EPN2: variants seen among roughly 807,000 people sequenced by gnomAD.
The protein encoded by EPN2 is epsin 2, also known as epsin-2.
EPN2 carries 34 observed loss-of-function variants against 61.7 expected under a neutral mutation model. The ratio of observed to expected loss-of-function variants is 0.55; its 90% CI spans 0.42 to 0.73. The LOEUF (loss-of-function observed/expected upper bound fraction) is 0.73. EPN2 is among the 30% of genes least tolerant of loss of function. The pLI is 0.00. For synonymous variants in EPN2, 349 were observed against 353.6 expected (o/e 0.99, Z 0.15); for missense variants, 714 against 839.2 (o/e 0.85, Z 1.84).
chr17:19,325,456 A>G (rs1906823215), intron 7 of EPN2, among the ~76,000 whole-genome samples: 3 of 152,226 alleles, frequency 2.0e-5, no homozygotes, highest in Admixed American at 6.5e-5. Flanking sequence ...CAAATGTACC[A>G]TATTAACAGA....
intron 4 of EPN2, among the ~76,000 whole-genome samples, chr17:19,295,376 G>GCA (rs1567858319): frequency 2.0e-5 from 3 of 151,350 alleles, no homozygotes; most frequent in African/African-American, 7.3e-5. Flanking sequence ...ACGCGCGTGC[G>GCA]CGCAAAATAG....
chr17:19,253,512 T>G (rs2045038734), intron 1 of EPN2, among the ~76,000 whole-genome samples: 1 of 149,804 alleles, frequency 6.7e-6, no homozygotes, highest in Non-Finnish European at 1.5e-5. Context: ...CTTCCTGGGC[T>G]CAAGGGATCT....
In EPN2 at chr17:19,295,343, C is replaced by T. The variant is rs2045504890; in HGVS notation, c.766+9553C>T. On this transcript the variant is annotated intron_variant, in intron 4 of 10. Coordinates refer to ENST00000314728, the MANE Select transcript of EPN2 (RefSeq NM_014964.5). ...TGAAACCCCATCTCTATTAAAAATA[C>T]ACACACACACACACACACACACACG... 7.9e-5 allele frequency among the ~76,000 whole-genome samples: 5 copies of T among 63,136 alleles called. No individual in the cohort carries two copies. In the South Asian group the frequency reaches 1.6e-3, roughly 21 times the overall value. The allele number at this position is 63,136 out of a possible 152,430, so 41.4% of individuals were successfully genotyped here.
intron 1 of EPN2, among the ~76,000 whole-genome samples, chr17:19,271,286 G>A (rs769933777): frequency 4.6e-5 from 7 of 152,188 alleles, no homozygotes; most frequent in Non-Finnish European, 1.0e-4. Flanking sequence ...TTCTGAGGAG[G>A]CCATGCGATC....
At chr17:19,238,066 T>G (rs891044342) in intron 1 of EPN2, among the ~76,000 whole-genome samples, 10 of 152,024 alleles carry the variant, frequency 6.6e-5, no homozygotes, top group Non-Finnish European at 1.5e-4. Context: ...TCACCTTTCC[T>G]GGGGGCTGTA....
chr17:19,257,818 C>T (rs549230127), intron 1 of EPN2: 1 of 152,122 alleles, frequency 6.6e-6, no homozygotes, highest in Non-Finnish European at 1.5e-5. Context: ...ACACCCAGCC[C>T]GGTTTATTTT....
Position 19,332,058 on chromosome 17 carries a change from C to G in EPN2, c.1617C>G (p.Phe539Leu), listed in dbSNP as rs765549519. 1 of 1,608,918 alleles carries G rather than the reference C, an allele frequency of 6.2e-7. No individual in the cohort carries two copies. The highest frequency in any genetic ancestry group is 8.5e-7 in the Non-Finnish European group (1 of 1,179,122). The change falls in exon 10 of 11, where the codon TTC becomes TTG. Residue 539 changes from phenylalanine (F) to leucine (L), a missense_variant. Physicochemically the swap from Phe to Leu is conservative, Grantham distance 22. Coordinates refer to ENST00000314728, the MANE Select transcript of EPN2 (RefSeq NM_014964.5). ...CACCAGCCCAGTCCCTCAACCCTTT[C>G]CTGGCACCAGGTAGGCTCTCATCCC... ...PAPPAQSLNP[F>L]LAPGAPATSA...
At chr17:19,326,649 T>C (rs997113949) in intron 7 of EPN2, among the ~76,000 whole-genome samples, 3 of 129,620 alleles carry the variant, frequency 2.3e-5, no homozygotes, top group African/African-American at 9.2e-5. Context: ...ATTGCGCCAC[T>C]GCACTCCAGC....
chr17:19,324,275 C>G (rs929785282), intron 7 of EPN2, among the ~76,000 whole-genome samples: 30 of 152,170 alleles, frequency 2.0e-4, no homozygotes, highest in African/African-American at 7.0e-4. Context: ...ATTTTAAGAA[C>G]ACTTCTAAAT....
chr17:19,275,063 A>G (rs553310588), intron 1 of EPN2, among the ~76,000 whole-genome samples: 2 of 152,142 alleles, frequency 1.3e-5, no homozygotes, highest in South Asian at 4.2e-4. Context: ...ATGATCCCAG[A>G]CTTTGGTTGG....
intron 7 of EPN2, chr17:19,313,871 CT>C (rs1906261940): frequency 6.6e-6 from 1 of 152,328 alleles, no homozygotes; most frequent in African/African-American, 2.4e-5. Context: ...GGGTGATGAT[CT>C]TGGGCCCACG....
rs369490057 is a variant in EPN2 at position 19,331,880 on chromosome 17, A to C, written c.1439A>C (p.Gln480Pro). The C allele has an allele frequency of 3.7e-6, 6 of 1,613,986 alleles. No individual in the cohort carries two copies. The African/African-American group carries it at 8.0e-5, about 22-fold the overall frequency. ...TAESVTSLPSQNNGTTSPDPF... is the reference protein window; with the variant it reads ...TAESVTSLPSPNNGTTSPDPF... ...GAATCTGTGACCTCTCTGCCATCCC[A>C]AAACAATGGAACTACCAGCCCTGAC... Residue 480 changes from glutamine (Q) to proline (P), a missense_variant, in exon 10 of 11, where the codon CAA (glutamine) becomes CCA (proline). Coordinates refer to ENST00000314728, the MANE Select transcript of EPN2 (RefSeq NM_014964.5).
intron 1 of EPN2, among the ~76,000 whole-genome samples, chr17:19,247,778 TG>T: frequency 1.3e-5 from 2 of 152,084 alleles, no homozygotes; most frequent in Non-Finnish European, 2.9e-5. Flanking sequence ...TCTCTGTGGG[TG>T]GGGGCCTGGC....
intron 4 of EPN2, among the ~76,000 whole-genome samples, chr17:19,309,612 G>A (rs1906018509): frequency 2.0e-5 from 3 of 152,192 alleles, no homozygotes. Context: ...TGATCCTTGT[G>A]AGGCCTGATG....
At chr17:19,314,251 G>A (rs556602947) in intron 7 of EPN2, among the ~76,000 whole-genome samples, 1 of 152,316 alleles carries the variant, frequency 6.6e-6, no homozygotes, top group South Asian at 2.1e-4. Context: ...GTACTGTGTA[G>A]TCCAGGACTC....
intron 1 of EPN2, among the ~76,000 whole-genome samples, chr17:19,247,205 G>A (rs1055117711): frequency 6.6e-5 from 10 of 152,212 alleles, no homozygotes; most frequent in African/African-American, 2.4e-4. Flanking sequence ...AGATGTAGAA[G>A]TATGGGCATT....
intron 7 of EPN2, 58 bp downstream of exon 7, chr17:19,313,337 C>T (rs1259963702): frequency 1.4e-6 from 2 of 1,451,142 alleles, no homozygotes; most frequent in African/African-American, 1.5e-5. Context: ...AGGGGCAGGG[C>T]AGTGCTTCTT....
intron 6 of EPN2, 39 bp downstream of exon 6, chr17:19,312,183 C>A (rs771339546): frequency 2.0e-5 from 29 of 1,468,604 alleles, no homozygotes; most frequent in Non-Finnish European, 2.6e-5. Context: ...TCACCCTGTC[C>A]TGTAGTTGTT....
intron 4 of EPN2, among the ~76,000 whole-genome samples, chr17:19,304,163 C>T (rs537446219): frequency 3.3e-5 from 5 of 152,256 alleles, no homozygotes; most frequent in African/African-American, 9.6e-5. Flanking sequence ...TAATTTGCCT[C>T]GTTAGACTAA....
Sources: gnomAD v4.1 joint callset for allele counts (sites outside exome capture counted in the v4.1 genomes callset) on GRCh38, gnomAD v4.1.1 for gene constraint, MANE v1.5 for transcripts, NCBI Gene and HGNC (gene_info 2026-07-23, HGNC 2026-07-21) for gene names.